Variants in EPHA5 observed in about 807,000 individuals in gnomAD.
The protein encoded by EPHA5 is EPH receptor A5.
Under a neutral mutation model 105.0 loss-of-function variants are expected in EPHA5, and 60 were observed. That is an observed-to-expected ratio of 0.57 (90% confidence interval 0.46 to 0.71). EPHA5 has a LOEUF of 0.71. Among genes scored for constraint, EPHA5 ranks in the 30% least tolerant of loss-of-function variants. The pLI is 0.00. For missense variants in EPHA5, 1,218 were observed against 1,274.7 expected, an observed-to-expected ratio of 0.96 and a Z score of 0.68; for synonymous variants, 513 against 449.1, an observed-to-expected ratio of 1.14 and a Z score of -1.80.
intron 5 of EPHA5, among the ~76,000 whole-genome samples, chr4:65,454,940 C>T (rs1408484575): frequency 6.6e-6 from 1 of 152,156 alleles, no homozygotes; most frequent in Non-Finnish European, 1.5e-5. Context: ...CATACAAATA[C>T]ACATTTTATG....
intron 1 of EPHA5, among the ~76,000 whole-genome samples, chr4:65,656,700 A>G (rs965879676): frequency 2.7e-5 from 4 of 149,972 alleles, no homozygotes; most frequent in Non-Finnish European, 5.9e-5. Flanking sequence ...TGAAGCCTCA[A>G]CCTCCCAGGG....
intron 8 of EPHA5, among the ~76,000 whole-genome samples, chr4:65,402,811 C>T (rs1721977237): frequency 6.6e-6 from 1 of 152,110 alleles, no homozygotes; most frequent in South Asian, 2.1e-4. Context: ...TGGTAGTTTT[C>T]CTAGTAGTTA....
chr4:65,506,757 C>T (rs1042002631), intron 3 of EPHA5, among the ~76,000 whole-genome samples: 2 of 151,206 alleles, frequency 1.3e-5, no homozygotes, highest in African/African-American at 2.4e-5. Context: ...AGTTCATTGT[C>T]GATTCTGGAT....
intron 3 of EPHA5, among the ~76,000 whole-genome samples, chr4:65,553,053 C>G (rs1421279116): frequency 6.6e-6 from 1 of 151,988 alleles, no homozygotes; most frequent in Non-Finnish European, 1.5e-5. Flanking sequence ...CAATGAAAAT[C>G]ACAGTTGTCA....
At chr4:65,487,427 G>T (rs891561795) in intron 5 of EPHA5, among the ~76,000 whole-genome samples, 1 of 152,144 alleles carries the variant, frequency 6.6e-6, no homozygotes, top group Non-Finnish European at 1.5e-5. Flanking sequence ...TAACAAATTA[G>T]CCATAAGATT....
intron 3 of EPHA5, among the ~76,000 whole-genome samples, chr4:65,582,053 G>A (rs12054588): frequency 0.25 from 37,289 of 151,378 alleles, 5,450 homozygotes; most frequent in Middle Eastern, 0.4. Flanking sequence ...ATATAGAAAT[G>A]GTCCTCCTCC....
chr4:65,583,803 C>A (rs1741870862), intron 3 of EPHA5, among the ~76,000 whole-genome samples: 1 of 151,426 alleles, frequency 6.6e-6, no homozygotes, highest in Admixed American at 6.6e-5. Context: ...AAAAGAAATT[C>A]TATTATTTGA....
Position 65,400,663 on chromosome 4 carries a change from T to C in EPHA5, c.1793+3711A>G, listed in dbSNP as rs149319826. ...TCTATATTTGATTTATTTTTCATCC[T>C]TGAGCATATTTTAGAATTTTAAAAG... On this transcript the variant is annotated intron_variant, in intron 8 of 16. Transcript: ENST00000613740. Among the ~76,000 whole-genome samples, 1,199 of 152,242 alleles carry C rather than the reference T, an allele frequency of 7.9e-3. 9 individuals are homozygous for C. The highest frequency in any genetic ancestry group is 0.034 in the East Asian group (178 of 5,188).
chr4:65,607,258 C>T (rs930545581), intron 2 of EPHA5, among the ~76,000 whole-genome samples: 5 of 151,966 alleles, frequency 3.3e-5, no homozygotes, highest in Non-Finnish European at 1.5e-5. Context: ...CCATTCAGGA[C>T]ATAGGCATGG....
At chr4:65,326,420 T>G (rs977833082) in intron 16 of EPHA5, among the ~76,000 whole-genome samples, 8 of 151,390 alleles carry the variant, frequency 5.3e-5, no homozygotes, top group Non-Finnish European at 1.2e-4. Flanking sequence ...AAATGTAATT[T>G]AAAATGTCCA....
chr4:65,492,644 T>C (rs981496594), intron 4 of EPHA5, among the ~76,000 whole-genome samples: 2 of 151,928 alleles, frequency 1.3e-5, no homozygotes, highest in Non-Finnish European at 2.9e-5. Context: ...CAGTCCCCTT[T>C]AAGTTGAAAT....
In EPHA5 at chr4:65,348,779, A is replaced by ATGTGTGTG. The variant is rs758698685; in HGVS notation, c.2446-584_2446-577dup. On this transcript the variant is annotated intron_variant, in intron 13 of 16. Coordinates refer to ENST00000613740, the MANE Select transcript of EPHA5 (RefSeq NM_001281766.3). ...TATATGTGTATATATATGTGTGTGC[A>ATGTGTGTG]TGTGTGTGTGTGTGTATATATATAT... Among the ~76,000 whole-genome samples the ATGTGTGTG allele has an allele frequency of 3.4e-3, 234 of 69,564 alleles. 10 individuals carry two copies. The highest frequency in any genetic ancestry group is 4.0e-3 in the Non-Finnish European group (146 of 36,460). The allele number at this position is 69,564 out of a possible 152,430, so 45.6% of individuals were successfully genotyped here.
intron 3 of EPHA5, among the ~76,000 whole-genome samples, chr4:65,583,062 G>A (rs542514008): frequency 2.0e-5 from 3 of 151,480 alleles, no homozygotes; most frequent in Non-Finnish European, 4.4e-5. Context: ...ATTCTTACTT[G>A]CAAGTGTACA....
intron 3 of EPHA5, among the ~76,000 whole-genome samples, chr4:65,578,711 T>G (rs1250605329): frequency 6.6e-6 from 1 of 152,218 alleles, no homozygotes. Context: ...TTAGAAAATA[T>G]GTCTTTGAGG....
At chr4:65,564,948 T>C (rs1300554929) in intron 3 of EPHA5, among the ~76,000 whole-genome samples, 2 of 151,692 alleles carry the variant, frequency 1.3e-5, no homozygotes, top group Non-Finnish European at 3.0e-5. Context: ...CACAATTGCA[T>C]CCAGAAAGAA....
rs192288690 is a variant in EPHA5, at chr4:65,497,800, G to T, written c.911-2257C>A. Among the ~76,000 whole-genome samples the T allele has an allele frequency of 5.7e-3, 872 of 151,948 alleles. 5 individuals carry two copies. The highest frequency in any genetic ancestry group is 0.017 in the Middle Eastern group (5 of 294). On this transcript the variant is annotated intron_variant, in intron 3 of 16. Coordinates refer to ENST00000613740, the MANE Select transcript of EPHA5 (RefSeq NM_001281766.3). ...TTGGAAATATAAAATAATATAAATCGAAGTAAAAAGTAGATAAATGTATCT... is the reference window on the plus strand; with the variant it reads ...TTGGAAATATAAAATAATATAAATCTAAGTAAAAAGTAGATAAATGTATCT...
intron 3 of EPHA5, among the ~76,000 whole-genome samples, chr4:65,526,895 C>T (rs1433584594): frequency 6.6e-6 from 1 of 151,686 alleles, no homozygotes; most frequent in Non-Finnish European, 1.5e-5. Flanking sequence ...GATAAATTTC[C>T]AAATCACATT....
chr4:65,659,943 T>A (rs548413674), intron 1 of EPHA5, among the ~76,000 whole-genome samples: 2 of 152,240 alleles, frequency 1.3e-5, no homozygotes, highest in African/African-American at 4.8e-5. Flanking sequence ...GGTAGAGGTG[T>A]CGACTTACAA....
At chr4:65,363,713 C>T (rs976026238) in intron 11 of EPHA5, among the ~76,000 whole-genome samples, 1 of 151,520 alleles carries the variant, frequency 6.6e-6, no homozygotes, top group Non-Finnish European at 1.5e-5. Flanking sequence ...ACCATTTCTG[C>T]ATAGCAAATA....
Sources: gnomAD v4.1 joint callset for allele counts (sites outside exome capture counted in the v4.1 genomes callset) on GRCh38, gnomAD v4.1.1 for gene constraint, MANE v1.5 for transcripts, NCBI Gene and HGNC (gene_info 2026-07-23, HGNC 2026-07-21) for gene names.